The following ITSN1 variants were observed in gnomAD, a reference collection of about 807,000 sequenced individuals.
ITSN1 encodes intersectin-1.
Under a neutral mutation model 239.8 loss-of-function variants are expected in ITSN1, and 58 were observed. That is an observed-to-expected ratio of 0.24 (90% CI 0.20 to 0.30). The LOEUF is 0.30. Among genes scored for constraint, ITSN1 ranks in the 10% least tolerant of loss-of-function variants. ITSN1 has a pLI of 1.00. For missense variants in ITSN1, 1,558 were observed against 2,103.3 expected (o/e 0.74, Z 5.07); for synonymous variants, 780 against 770.8 (o/e 1.01, Z -0.20).
chr21:33,732,520 C>T (rs950127743), intron 4 of ITSN1, among the ~76,000 whole-genome samples: 1 of 152,164 alleles, frequency 6.6e-6, no homozygotes, highest in Non-Finnish European at 1.5e-5. Flanking sequence ...ACTATTAGCT[C>T]TAGTAAATCT....
chr21:33,661,854 T>C (rs2089585221), intron 1 of ITSN1, among the ~76,000 whole-genome samples: 1 of 152,098 alleles, frequency 6.6e-6, no homozygotes, highest in East Asian at 1.9e-4. Flanking sequence ...ACCATGATTA[T>C]GAGGCCTCCC....
Position 33,654,302 on chromosome 21 carries a change from C to T in ITSN1, c.-33+11589C>T, listed in dbSNP as rs77335092. On this transcript the variant is annotated intron_variant, in intron 1 of 39. Transcript: ENST00000381318. Reference sequence around the variant, plus strand: ...AACTTCTGGACTCAAGTGGACCTCTCGCCTCAGCCTCCCCAAGTGCTGGGC... The same window carrying T: ...AACTTCTGGACTCAAGTGGACCTCTTGCCTCAGCCTCCCCAAGTGCTGGGC... Among the ~76,000 whole-genome samples, 318 of 150,812 alleles carry T rather than the reference C, an allele frequency of 2.1e-3. 2 individuals carry two copies. The highest frequency in any genetic ancestry group is 7.7e-3 in the East Asian group (39 of 5,084).
At chr21:33,805,764 C>T (rs1366573555) in intron 20 of ITSN1, among the ~76,000 whole-genome samples, 2 of 151,436 alleles carry the variant, frequency 1.3e-5, no homozygotes, top group Non-Finnish European at 1.5e-5. Flanking sequence ...CTCCGCCTCC[C>T]GGGTTCACGC....
intron 31 of ITSN1, among the ~76,000 whole-genome samples, chr21:33,861,352 G>A (rs1371946116): frequency 6.6e-6 from 1 of 152,050 alleles, no homozygotes; most frequent in Non-Finnish European, 1.5e-5. Context: ...ACCAGTGAGC[G>A]GCCATATGTC....
chr21:33,836,912 C>A (rs2074634020), intron 29 of ITSN1: 4 of 1,272,704 alleles, frequency 3.1e-6, no homozygotes, highest in Admixed American at 1.7e-5. Flanking sequence ...TGTTTACATG[C>A]CTGACTCATT....
intron 34 of ITSN1, among the ~76,000 whole-genome samples, chr21:33,879,804 C>T (rs1391085762): frequency 5.3e-5 from 8 of 152,154 alleles, no homozygotes; most frequent in South Asian, 2.1e-4. Flanking sequence ...CTCAGCTTCC[C>T]GAGTAGCTGG....
chr21:33,797,392 A>G lies in ITSN1; in HGVS notation c.1966A>G (p.Arg656Gly). The G allele has an allele frequency of 6.2e-7, 1 of 1,613,906 alleles. No individual in the cohort carries two copies. The highest frequency in any genetic ancestry group is 8.5e-7 in the Non-Finnish European group (1 of 1,179,894). ...KEEAQRRAQERDKQWLEHVQQ... is the reference protein window; with the variant it reads ...KEEAQRRAQEGDKQWLEHVQQ... The stretch of plus-strand genomic sequence containing the variant: ...GTTTGTTGGCAGACGAGCTCAGGAA[A>G]GGGACAAGCAGTGGCTGGAGCATGT... Residue 656 changes from arginine to glycine, a missense_variant, in exon 18 of 40, where the codon AGG becomes GGG. Physicochemically the swap from Arg to Gly is moderately radical, Grantham distance 125. This residue lies in a region of ITSN1 where 982 missense variants were observed against 1,209.9 expected (regional missense o/e 0.81). Transcript: ENST00000381318. The surrounding 1 kb of genome is among the most constrained non-coding windows in gnomAD (Gnocchi z 4.9).
intron 39 of ITSN1, among the ~76,000 whole-genome samples, chr21:33,886,794 G>C (rs1375002085): frequency 6.6e-6 from 1 of 152,220 alleles, no homozygotes; most frequent in African/African-American, 2.4e-5. Context: ...AGCTGTGCTG[G>C]CAATGGATGA....
At chr21:33,844,163 G>T (rs958791832) in intron 29 of ITSN1, among the ~76,000 whole-genome samples, 1 of 152,150 alleles carries the variant, frequency 6.6e-6, no homozygotes. Flanking sequence ...ATAGCAGGAG[G>T]CCCACCGGTG....
rs1412656907 is a variant in ITSN1, at chr21:33,829,757, TTTTG to T, written c.3351+16_3351+19del. 3.1e-6 allele frequency: 5 copies of T among 1,613,224 alleles called. No homozygotes were observed. In the South Asian group the frequency reaches 5.5e-5, roughly 18 times the overall value. ...AAGGAGAGCTGCAAGTCAGTGTCTT[TTTTG>T]TTTATTTACAATTCTCCATCCAAGT... On this transcript the variant is annotated intron_variant, in intron 27 of 39. Coordinates refer to ENST00000381318, the MANE Select transcript of ITSN1 (RefSeq NM_003024.3).
chr21:33,729,300 A>G (rs910500980), intron 4 of ITSN1, among the ~76,000 whole-genome samples: 3 of 151,688 alleles, frequency 2.0e-5, no homozygotes, highest in Non-Finnish European at 2.9e-5. Flanking sequence ...TAAAAAAAAA[A>G]TTATCCAGGT....
intron 1 of ITSN1, among the ~76,000 whole-genome samples, chr21:33,699,072 A>G (rs930844661): frequency 1.3e-5 from 2 of 152,174 alleles, no homozygotes; most frequent in African/African-American, 4.8e-5. Context: ...AAACCCTAAC[A>G]ACTCTCAAAT....
chr21:33,723,343 G>C (rs1009669252), intron 4 of ITSN1, among the ~76,000 whole-genome samples: 1 of 152,274 alleles, frequency 6.6e-6, no homozygotes, highest in Non-Finnish European at 1.5e-5. Context: ...GGCTGGGCGC[G>C]GTGGCTCATG....
At chr21:33,680,902 C>T (rs1372568821) in intron 1 of ITSN1, among the ~76,000 whole-genome samples, 3 of 152,116 alleles carry the variant, frequency 2.0e-5, no homozygotes. Context: ...AAAGTTTAGT[C>T]GGGTATATTA....
chr21:33,754,549 A>G (rs918352596), intron 7 of ITSN1, among the ~76,000 whole-genome samples: 1 of 152,236 alleles, frequency 6.6e-6, no homozygotes, highest in Admixed American at 6.5e-5. Context: ...CATTGGTACC[A>G]GTGTGATATT....
intron 1 of ITSN1, among the ~76,000 whole-genome samples, chr21:33,654,976 A>C (rs1601451911): frequency 6.7e-6 from 1 of 148,614 alleles, no homozygotes; most frequent in African/African-American, 2.5e-5. Context: ...CATTCTTCTC[A>C]TTCTTACCAC....
chr21:33,675,378 A>G (rs989561428), intron 1 of ITSN1, among the ~76,000 whole-genome samples: 3 of 152,004 alleles, frequency 2.0e-5, no homozygotes, highest in African/African-American at 7.3e-5. Context: ...CCTAGCCAAC[A>G]CGGTGAAACC....
At chr21:33,819,512 C>G (rs1018094944) in intron 24 of ITSN1, among the ~76,000 whole-genome samples, 189 bp downstream of exon 24, 1 of 152,114 alleles carries the variant, frequency 6.6e-6, no homozygotes, top group Non-Finnish European at 1.5e-5. Context: ...GTATATTAAT[C>G]ATCAAAAACT....
chr21:33,858,011 C>T (rs1013411000), intron 30 of ITSN1, among the ~76,000 whole-genome samples: 6 of 152,138 alleles, frequency 3.9e-5, no homozygotes, highest in African/African-American at 1.4e-4. Context: ...CAGGCGGGGG[C>T]TTGCAAGTGG....
Sources: gnomAD v4.1 joint callset for allele counts (sites outside exome capture counted in the v4.1 genomes callset) on GRCh38, gnomAD v4.1.1 for gene constraint, gnomAD v4.1.1 regional missense constraint, Gnocchi (gnomAD v3.1) non-coding constraint, MANE v1.5 for transcripts, NCBI Gene and HGNC (gene_info 2026-07-23, HGNC 2026-07-21) for gene names.